GALNT15: variants seen among roughly 807,000 people sequenced by gnomAD.
The protein encoded by GALNT15 is UDP-GalNAc transferase T15.
GALNT15 carries 67 observed loss-of-function variants against 66.8 expected under a neutral mutation model. That is an observed-to-expected ratio of 1.00 (90% confidence interval 0.82 to 1.23). GALNT15 has a LOEUF of 1.23. GALNT15 is among the 50% of genes most tolerant of loss of function. The probability of loss-of-function intolerance (pLI) is 0.00; values close to 1 mark genes in which losing one functional copy is unlikely to be tolerated. For synonymous variants in GALNT15, 313 were observed against 311.5 expected (o/e 1.00, Z -0.05); for missense variants, 827 against 804.3 (o/e 1.03, Z -0.34).
chr3:16,236,689 T>C (rs1472151039), downstream of GALNT15, among the ~76,000 whole-genome samples: 1 of 152,244 alleles, frequency 6.6e-6, no homozygotes, highest in African/African-American at 2.4e-5. Flanking sequence ...GTATAGCATA[T>C]GTTCTCATTA....
rs768754880 is a variant in GALNT15 at position 16,175,716 on chromosome 3, C to T, written c.539+26C>T. ...GTAAGTAAGGCCCTTGTTTTCCCTT[C>T]CCTGATCCCAGGGCATGATCGGGTG... On this transcript the variant is annotated intron_variant, in intron 1 of 9. Coordinates refer to ENST00000339732, the MANE Select transcript of GALNT15 (RefSeq NM_054110.5). The surrounding 1 kb of genome is among the most constrained non-coding windows in gnomAD (Gnocchi z 5.6). The T allele has an allele frequency of 3.3e-6, 5 of 1,532,936 alleles. No individual in the cohort carries two copies. The highest frequency in any genetic ancestry group is 4.4e-6 in the Non-Finnish European group (5 of 1,140,668). The allele number at this position is 1,532,936 out of a possible 1,614,324, so 95.0% of individuals were successfully genotyped here.
chr3:16,232,469 A>AATTATATATATATATATAT (rs2064092112), downstream of GALNT15, among the ~76,000 whole-genome samples: 1 of 38,742 alleles, frequency 2.6e-5, no homozygotes, highest in Non-Finnish European at 5.4e-5. Flanking sequence ...TAAATAAATA[A>AATTATATATATATATATAT]ATATATATAT....
At chr3:16,248,049 G>A in the GALNT15 span, among the ~76,000 whole-genome samples, 94 of 152,272 alleles carry the variant, frequency 6.2e-4, no homozygotes, top group African/African-American at 2.3e-3. The surrounding 1 kb of genome is among the most constrained non-coding windows in gnomAD (Gnocchi z 4.9). Context: ...CACTACAGTC[G>A]TTTTTGAAGA....
Position 16,176,006 on chromosome 3 carries a change from C to A in GALNT15, c.539+316C>A, listed in dbSNP as rs1379509806. ...GTGAGGACTCTTGCTTGTTCATTCT[C>A]TTCTCCGTCCTGGGTTCTAGTTCTT... On this transcript the variant is annotated intron_variant, in intron 1 of 9. Coordinates refer to ENST00000339732, the MANE Select transcript of GALNT15 (RefSeq NM_054110.5). This position sits in a 1 kb window ranked among gnomAD's most constrained non-coding sequence, Gnocchi z 5.6. Among the ~76,000 whole-genome samples, 1 of 152,204 alleles carries A rather than the reference C, an allele frequency of 6.6e-6. No individual in the cohort carries two copies. The highest frequency in any genetic ancestry group is 1.5e-5 in the Non-Finnish European group (1 of 68,036).
At position 16,188,466 on chromosome 3, in the gene GALNT15, T is replaced by C; in HGVS notation, c.540-7294T>C. ...GAAGATGTGGCAAAACTGGACTAAATTTCCTCCCAGTGACATCAGCTGTTC... is the reference window on the plus strand; with the variant it reads ...GAAGATGTGGCAAAACTGGACTAAACTTCCTCCCAGTGACATCAGCTGTTC... On this transcript the variant is annotated intron_variant, in intron 1 of 9. Transcript: ENST00000339732. This position sits in a 1 kb window ranked among gnomAD's most constrained non-coding sequence, Gnocchi z 4.6. 6.6e-6 allele frequency among the ~76,000 whole-genome samples: 1 copy of C among 152,222 alleles called. No individual in the cohort carries two copies. Among genetic ancestry groups the C allele is most frequent in the Non-Finnish European group, 1.5e-5 (1 of 68,034 alleles).
downstream of GALNT15, among the ~76,000 whole-genome samples, chr3:16,232,350 G>A (rs376408443): frequency 2.0e-4 from 30 of 151,204 alleles, no homozygotes; most frequent in African/African-American, 7.3e-4. Flanking sequence ...AGGATCGCTT[G>A]AGCCCAGGAG....
chr3:16,190,032 A>G (rs190941493), intron 1 of GALNT15, among the ~76,000 whole-genome samples: 4 of 152,360 alleles, frequency 2.6e-5, no homozygotes, highest in African/African-American at 9.6e-5. Flanking sequence ...CAGCTGAACT[A>G]ACACATTTTT....
intron 3 of GALNT15, among the ~76,000 whole-genome samples, chr3:16,201,511 A>G (rs1318870710): frequency 6.6e-6 from 1 of 152,074 alleles, no homozygotes; most frequent in African/African-American, 2.4e-5. Context: ...CAAGCTTGTA[A>G]CATAACCTGG....
At position 16,182,186 on chromosome 3, in the gene GALNT15, C is replaced by T. The variant is rs1007351266; in HGVS notation, c.539+6496C>T. Among the ~76,000 whole-genome samples, 1 of 152,122 alleles carries T rather than the reference C, an allele frequency of 6.6e-6. No individual in the cohort carries two copies. The highest frequency in any genetic ancestry group is 1.5e-5 in the Non-Finnish European group (1 of 68,026). The stretch of plus-strand genomic sequence containing the variant: ...ACCTGCAGCCTCAGAAATGCAGACC[C>T]TTCAGACCCCACTTAAACCTACTAG... On this transcript the variant is annotated intron_variant, in intron 1 of 9. Transcript: ENST00000339732. This position sits in a 1 kb window ranked among gnomAD's most constrained non-coding sequence, Gnocchi z 6.1.
downstream of GALNT15, among the ~76,000 whole-genome samples, chr3:16,233,305 G>T (rs144224715): frequency 2.0e-5 from 3 of 151,638 alleles, no homozygotes; most frequent in African/African-American, 7.3e-5. Flanking sequence ...ATGTTGGCCA[G>T]TCTGGTCTTG....
rs2063398784 is a variant in GALNT15 at position 16,175,587 on chromosome 3, G to C, written c.436G>C (p.Glu146Gln). 6.2e-7 allele frequency: 1 copy of C among 1,613,792 alleles called. No individual in the cohort carries two copies. Among genetic ancestry groups the C allele is most frequent in the Non-Finnish European group, 8.5e-7 (1 of 1,180,000 alleles). The stretch of plus-strand genomic sequence containing the variant: ...TGATGAGGACGGGGAGGTGTCTGAA[G>C]AAGAGGAGTTGACCCCGTTCAGCCT... ...GADEDGEVSE[E>Q]EELTPFSLDP... is the part of the protein sequence containing the mutation. The change falls in exon 1 of 10, where the codon GAA (glutamate) becomes CAA (glutamine). Residue 146 changes from glutamate to glutamine, a missense_variant. Physicochemically the swap from Glu to Gln is conservative, Grantham distance 29. Coordinates refer to ENST00000339732, the MANE Select transcript of GALNT15 (RefSeq NM_054110.5). The surrounding 1 kb of genome is among the most constrained non-coding windows in gnomAD (Gnocchi z 5.6).
rs2124840555 is a variant in GALNT15, at chr3:16,182,579, G to T, written c.539+6889G>T. 1 of 152,386 alleles carries T rather than the reference G, an allele frequency of 6.6e-6. No individual in the cohort carries two copies. The highest frequency in any genetic ancestry group is 2.1e-4 in the South Asian group (1 of 4,826). 9.4% of individuals were successfully genotyped at this position (152,386 alleles called of 1,614,324 possible). On this transcript the variant is annotated intron_variant, in intron 1 of 9. Transcript: ENST00000339732. This position sits in a 1 kb window ranked among gnomAD's most constrained non-coding sequence, Gnocchi z 6.1. The stretch of plus-strand genomic sequence containing the variant: ...GAGACCCACGATCCACAGTTCCTTT[G>T]GGGACTTGGCCTTCCTGACATCCTG...
rs572369952 is a variant in GALNT15, at chr3:16,195,768, A to G, written c.548A>G (p.Gln183Arg). The change falls in exon 2 of 10, where the codon CAG (glutamine) becomes CGG (arginine). Residue 183 changes from glutamine to arginine, a missense_variant. By Grantham distance (43) the Gln-to-Arg change is conservative (BLOSUM62 1). Transcript: ENST00000339732. The surrounding 1 kb of genome is among the most constrained non-coding windows in gnomAD (Gnocchi z 4.6). The part of the protein sequence containing the change: ...LPEVRHPLCL[Q>R]QHPQDSLPTA... ...GGCTCTCTTCCCTGCAGGTGTCTGC[A>G]GCAGCACCCTCAGGACAGCCTGCCC... is the stretch of plus-strand genomic sequence containing the variant. 1.8e-5 allele frequency: 29 copies of G among 1,612,124 alleles called. No individual in the cohort carries two copies. The South Asian group carries it at 2.2e-4, about 12-fold the overall frequency.
At chr3:16,197,123 C>G (rs146937256) in intron 2 of GALNT15, among the ~76,000 whole-genome samples, 1 of 152,200 alleles carries the variant, frequency 6.6e-6, no homozygotes, top group Non-Finnish European at 1.5e-5. Flanking sequence ...TCAAGTGGGG[C>G]GGGGTCCGCC....
chr3:16,206,505 T>C (rs59592735), intron 3 of GALNT15, among the ~76,000 whole-genome samples: 59 of 150,894 alleles, frequency 3.9e-4, no homozygotes, highest in African/African-American at 1.4e-3. Context: ...AAAACCCGTG[T>C]ATACTAAAAA....
chr3:16,230,597 A>G (rs2064072730), downstream of GALNT15, among the ~76,000 whole-genome samples: 2 of 152,258 alleles, frequency 1.3e-5, no homozygotes, highest in Non-Finnish European at 2.9e-5. This position sits in a 1 kb window ranked among gnomAD's most constrained non-coding sequence, Gnocchi z 4.5. Flanking sequence ...AAGAAAAGAA[A>G]AAAACAAGGA....
At chr3:16,192,858 A>C (rs2063594015) in intron 1 of GALNT15, among the ~76,000 whole-genome samples, 1 of 152,358 alleles carries the variant, frequency 6.6e-6, no homozygotes, top group Middle Eastern at 3.4e-3. Context: ...AATGGTTCTC[A>C]GAATGCTGCC....
chr3:16,227,640 G>A lies in GALNT15; in HGVS notation c.*140G>A. On this transcript the variant is annotated 3_prime_UTR_variant, in exon 10 of 10. Coordinates refer to ENST00000339732, the MANE Select transcript of GALNT15 (RefSeq NM_054110.5). This position sits in a 1 kb window ranked among gnomAD's most constrained non-coding sequence, Gnocchi z 4.5. ...TAGGAGAGAAAAAAGCTCTATGAAA[G>A]AATATAGGAAGTTTCTCCTTTTCAC... 5 of 1,469,382 alleles carry A rather than the reference G, an allele frequency of 3.4e-6. No individual in the cohort carries two copies. The highest frequency in any genetic ancestry group is 1.4e-5 in the South Asian group (1 of 71,906). 91.0% of individuals were successfully genotyped at this position (1,469,382 alleles called of 1,614,324 possible).
In GALNT15 at chr3:16,195,609, G is replaced by C. The variant is rs571377463; in HGVS notation, c.540-151G>C. On this transcript the variant is annotated intron_variant, in intron 1 of 9. Coordinates refer to ENST00000339732, the MANE Select transcript of GALNT15 (RefSeq NM_054110.5). The surrounding 1 kb of genome is among the most constrained non-coding windows in gnomAD (Gnocchi z 4.6). ...GACAGCACCACTATGAGGCGTAACAGGTTCTTTTTATATGGGAATTTTAAG... is the reference window on the plus strand; with the variant it reads ...GACAGCACCACTATGAGGCGTAACACGTTCTTTTTATATGGGAATTTTAAG... The C allele has an allele frequency of 4.7e-4, 267 of 565,158 alleles. 1 individual carries two copies. The highest frequency in any genetic ancestry group is 4.6e-3 in the African/African-American group (250 of 54,198). The allele number at this position is 565,158 out of a possible 1,614,324, so 35.0% of individuals were successfully genotyped here. A position where few individuals can be genotyped will look rare whatever the true frequency, so the allele number is the denominator to read the frequency against.
Sources: allele counts gnomAD v4.1 joint callset (sites outside exome capture counted in the v4.1 genomes callset), GRCh38; gene constraint gnomAD v4.1.1; non-coding constraint Gnocchi (gnomAD v3.1); transcripts MANE v1.5; gene names NCBI Gene and HGNC (gene_info 2026-07-23, HGNC 2026-07-21).